Variants in HMBOX1 observed in about 807,000 individuals in gnomAD.
HMBOX1 encodes the protein homeobox-containing protein 1.
Under a neutral mutation model 54.5 loss-of-function variants are expected in HMBOX1, and 14 were observed. The ratio of observed to expected loss-of-function variants is 0.26; its 90% CI spans 0.17 to 0.40. The LOEUF (loss-of-function observed/expected upper bound fraction) is 0.40, where lower values mean the gene tolerates loss of function less well. Ranked by LOEUF, HMBOX1 falls within the 10% of genes least tolerant of loss-of-function variation. The probability of loss-of-function intolerance (pLI) is 1.00; values close to 1 mark genes in which losing one functional copy is unlikely to be tolerated. For missense variants in HMBOX1, 332 were observed against 514.4 expected, an observed-to-expected ratio of 0.65 and a Z score of 3.43; for synonymous variants, 160 against 181.0, an observed-to-expected ratio of 0.88 and a Z score of 0.93.
chr8:28,973,820 T>TTTGTTTTTTG (rs1827907395), intron 3 of HMBOX1, among the ~76,000 whole-genome samples: 1 of 132,932 alleles, frequency 7.5e-6, no homozygotes, highest in Middle Eastern at 3.4e-3. Context: ...TTTTTTTTTT[T>TTTGTTTTTTG]TTTTTTTTTT....
intron 1 of HMBOX1, among the ~76,000 whole-genome samples, chr8:28,939,972 T>A (rs943660630): frequency 6.6e-6 from 1 of 152,200 alleles, no homozygotes; most frequent in African/African-American, 2.4e-5. Context: ...TCTTTGTCTA[T>A]ATAATGTCTG....
intron 1 of HMBOX1, among the ~76,000 whole-genome samples, chr8:28,895,797 G>A (rs994564524): frequency 6.6e-6 from 1 of 152,130 alleles, no homozygotes; most frequent in Non-Finnish European, 1.5e-5. Flanking sequence ...GTGAAGTCAA[G>A]TTGGTTTCGT....
chr8:28,994,399 T>G (rs1831478063), intron 4 of HMBOX1, among the ~76,000 whole-genome samples: 1 of 152,194 alleles, frequency 6.6e-6, no homozygotes, highest in African/African-American at 2.4e-5. Flanking sequence ...GTTTTTCCAT[T>G]GATTCTTTGA....
chr8:28,890,937 T>G (rs1810782455), intron 1 of HMBOX1: 1 of 152,190 alleles, frequency 6.6e-6, no homozygotes, highest in Non-Finnish European at 1.5e-5. Context: ...CTCTTCTGGT[T>G]TCCTCTACGA....
At chr8:29,044,734 C>T (rs746851609) in intron 6 of HMBOX1, among the ~76,000 whole-genome samples, 37 of 152,016 alleles carry the variant, frequency 2.4e-4, no homozygotes, top group Admixed American at 9.8e-4. Context: ...TATTATTCTG[C>T]GGATAGTTTT....
intron 1 of HMBOX1, among the ~76,000 whole-genome samples, chr8:28,960,721 A>G (rs1010590639): frequency 8.2e-6 from 1 of 121,302 alleles, no homozygotes; most frequent in Non-Finnish European, 1.7e-5. Flanking sequence ...CATAAACTGT[A>G]TATTTTATAA....
At chr8:28,973,801 GAGTTTTT>G in intron 3 of HMBOX1, among the ~76,000 whole-genome samples, 1 of 88,922 alleles carries the variant, frequency 1.1e-5, no homozygotes, top group African/African-American at 3.9e-5. Flanking sequence ...ATACATAATG[GAGTTTTT>G]TTTTTTTTTT....
At chr8:28,916,810 G>C (rs1287855480) in intron 1 of HMBOX1, among the ~76,000 whole-genome samples, 1 of 151,688 alleles carries the variant, frequency 6.6e-6, no homozygotes, top group Non-Finnish European at 1.5e-5. Context: ...TTTCCATACA[G>C]ATATTAGAGT....
At chr8:28,943,434 G>A (rs1821824000) in intron 1 of HMBOX1, among the ~76,000 whole-genome samples, 2 of 152,180 alleles carry the variant, frequency 1.3e-5, no homozygotes, top group South Asian at 2.1e-4. Flanking sequence ...GTTTAACAAG[G>A]TTTGTTTGTA....
chr8:28,931,454 T>A (rs1219370927), intron 1 of HMBOX1, among the ~76,000 whole-genome samples: 1 of 152,180 alleles, frequency 6.6e-6, no homozygotes, highest in Admixed American at 6.5e-5. Context: ...TCAAAATACT[T>A]AGTTTTCCAT....
chr8:28,991,896 C>G (rs1444840217), intron 4 of HMBOX1, among the ~76,000 whole-genome samples: 1 of 152,104 alleles, frequency 6.6e-6, no homozygotes, highest in African/African-American at 2.4e-5. Flanking sequence ...GTATTTTTAG[C>G]TATAACTTAT....
intron 2 of HMBOX1, among the ~76,000 whole-genome samples, chr8:28,969,626 AT>A (rs1302702170): frequency 6.6e-6 from 1 of 152,170 alleles, no homozygotes; most frequent in Non-Finnish European, 1.5e-5. Context: ...AATACAAACT[AT>A]TTTTTTCAGT....
At chr8:29,030,179 GTT>G (rs372951537) in intron 6 of HMBOX1, among the ~76,000 whole-genome samples, 12 of 136,980 alleles carry the variant, frequency 8.8e-5, no homozygotes, top group African/African-American at 2.7e-4. Context: ...TTAGGTTCCA[GTT>G]TTTTTTTTTT....
chr8:29,009,733 A>G (rs995531961), intron 5 of HMBOX1: 2 of 1,287,362 alleles, frequency 1.6e-6, no homozygotes, highest in Non-Finnish European at 2.0e-6. Flanking sequence ...TTGGGAAAGC[A>G]GAATGAAATC....
intron 6 of HMBOX1, among the ~76,000 whole-genome samples, chr8:29,034,942 C>A (rs1803610934): frequency 6.6e-6 from 1 of 152,090 alleles, no homozygotes; most frequent in African/African-American, 2.4e-5. Context: ...CCTAAAACAG[C>A]AGCAAACCTA....
At chr8:28,955,145 T>C (rs1048452097) in intron 1 of HMBOX1, among the ~76,000 whole-genome samples, 1 of 152,170 alleles carries the variant, frequency 6.6e-6, no homozygotes, top group Non-Finnish European at 1.5e-5. Context: ...TTATCAAATA[T>C]GCATATATAT....
At chr8:29,017,158 A>T (rs964586011) in intron 5 of HMBOX1, among the ~76,000 whole-genome samples, 33 of 152,120 alleles carry the variant, frequency 2.2e-4, no homozygotes, top group African/African-American at 8.0e-4. Context: ...GACCCTGGGG[A>T]CTGTCAGAGC....
chr8:28,919,639 G>A (rs929027827), intron 1 of HMBOX1, among the ~76,000 whole-genome samples: 2 of 152,168 alleles, frequency 1.3e-5, no homozygotes, highest in Non-Finnish European at 1.5e-5. Flanking sequence ...AGGGCCAACT[G>A]TATAGGCAAA....
chr8:28,906,713 C>T (rs1011370556), intron 1 of HMBOX1, among the ~76,000 whole-genome samples: 1 of 152,162 alleles, frequency 6.6e-6, no homozygotes, highest in South Asian at 2.1e-4. Flanking sequence ...CCTCAGCCTC[C>T]CAGGTGGCTG....
Sources: allele counts gnomAD v4.1 joint callset (sites outside exome capture counted in the v4.1 genomes callset), GRCh38; gene constraint gnomAD v4.1.1; transcripts MANE v1.5; gene names NCBI Gene and HGNC (gene_info 2026-07-23, HGNC 2026-07-21).